The following SLCO1B3 variants were observed in gnomAD, a reference collection of about 807,000 sequenced individuals.
The protein encoded by SLCO1B3 is liver-specific organic anion transporter 2.
SLCO1B3 carries 72 observed loss-of-function variants against 71.8 expected under a neutral mutation model. The observed-to-expected ratio is 1.00, with a 90% CI of 0.83 to 1.22. The LOEUF is 1.22. Ranked by LOEUF, SLCO1B3 falls within the 50% of genes most tolerant of loss-of-function variation. The pLI, the probability that SLCO1B3 is intolerant of heterozygous loss-of-function variation, is 0.00. For synonymous variants in SLCO1B3, 298 were observed against 278.4 expected (o/e 1.07, Z -0.70); for missense variants, 911 against 819.7 (o/e 1.11, Z -1.36).
At chr12:20,847,802 A>G (rs1864947674) in intron 3 of SLCO1B3, among the ~76,000 whole-genome samples, 1 of 151,948 alleles carries the variant, frequency 6.6e-6, no homozygotes, top group Non-Finnish European at 1.5e-5. Flanking sequence ...AGGAGAATAG[A>G]GAGAGAAAAG....
At chr12:20,868,714 C>T (rs1865419782) in intron 8 of SLCO1B3, among the ~76,000 whole-genome samples, 1 of 152,030 alleles carries the variant, frequency 6.6e-6, no homozygotes, top group African/African-American at 2.4e-5. Context: ...CACCAATGCA[C>T]AGAGACTGGT....
chr12:20,886,599 TA>T (rs1775523011), intron 13 of SLCO1B3, among the ~76,000 whole-genome samples: 1 of 152,044 alleles, frequency 6.6e-6, no homozygotes, highest in Non-Finnish European at 1.5e-5. Flanking sequence ...TGAGAGTTCA[TA>T]GGAGTTATGG....
intron 3 of SLCO1B3, among the ~76,000 whole-genome samples, chr12:20,819,334 T>C (rs1864249971): frequency 6.6e-6 from 1 of 152,080 alleles, no homozygotes; most frequent in African/African-American, 2.4e-5. Flanking sequence ...CAGATGAGGA[T>C]GAAATTTGCG....
intron 5 of SLCO1B3, 135 bp downstream of exon 5, chr12:20,858,706 A>G: frequency 1.4e-6 from 1 of 708,590 alleles, no homozygotes; most frequent in Non-Finnish European, 2.3e-6. Context: ...GAAATGGAGT[A>G]TATTTCCTAT....
At chr12:20,833,956 G>A (rs909248118) in intron 3 of SLCO1B3, among the ~76,000 whole-genome samples, 1 of 143,478 alleles carries the variant, frequency 7.0e-6, no homozygotes, top group African/African-American at 2.5e-5. Flanking sequence ...ACATATATAA[G>A]CTGTATATGT....
chr12:20,821,948 G>A (rs1189475423), intron 3 of SLCO1B3, among the ~76,000 whole-genome samples: 1 of 148,766 alleles, frequency 6.7e-6, no homozygotes, highest in African/African-American at 2.5e-5. Context: ...AGAGAAGGGA[G>A]AGATTGAAGT....
At chr12:20,842,045 G>A (rs1403261082) in intron 3 of SLCO1B3, among the ~76,000 whole-genome samples, 1 of 151,976 alleles carries the variant, frequency 6.6e-6, no homozygotes, top group Non-Finnish European at 1.5e-5. Context: ...ACAGGCACAT[G>A]CCACTGTGCC....
intron 15 of SLCO1B3, among the ~76,000 whole-genome samples, chr12:20,902,672 G>C (rs4762803): frequency 0.71 from 108,622 of 152,036 alleles, 43,025 homozygotes; most frequent in South Asian, 0.94. Flanking sequence ...CATTACACAA[G>C]GTATTGTAAG....
At chr12:20,853,994 A>C (rs934245329) in intron 3 of SLCO1B3, among the ~76,000 whole-genome samples, 1 of 151,612 alleles carries the variant, frequency 6.6e-6, no homozygotes, top group Non-Finnish European at 1.5e-5. Context: ...GAATTTTTTA[A>C]TTTCACATAT....
intron 15 of SLCO1B3, among the ~76,000 whole-genome samples, chr12:20,905,512 C>A (rs1219909763): frequency 6.6e-6 from 1 of 152,182 alleles, no homozygotes; most frequent in African/African-American, 2.4e-5. Context: ...TTAGAAACAG[C>A]CAGGTCACAT....
At chr12:20,831,985 A>C (rs1199167559) in intron 3 of SLCO1B3, among the ~76,000 whole-genome samples, 9 of 152,308 alleles carry the variant, frequency 5.9e-5, no homozygotes, top group Non-Finnish European at 8.8e-5. Flanking sequence ...GGTATGGAAA[A>C]GGCAAATGAA....
intron 13 of SLCO1B3, among the ~76,000 whole-genome samples, chr12:20,889,760 T>A (rs1429688076): frequency 6.6e-6 from 1 of 152,154 alleles, no homozygotes; most frequent in Non-Finnish European, 1.5e-5. Flanking sequence ...GTTTTACTAG[T>A]TCTGTGAGAC....
At chr12:20,838,672 A>G (rs886992981) in intron 3 of SLCO1B3, among the ~76,000 whole-genome samples, 1 of 152,056 alleles carries the variant, frequency 6.6e-6, no homozygotes, top group Non-Finnish European at 1.5e-5. Context: ...AGGAATTGTA[A>G]CACAATAAGT....
At chr12:20,847,376 G>T (rs937743095) in intron 3 of SLCO1B3, among the ~76,000 whole-genome samples, 3 of 152,258 alleles carry the variant, frequency 2.0e-5, no homozygotes, top group Middle Eastern at 6.8e-3. Context: ...AACCCTTCAT[G>T]ATGGGATTTG....
chr12:20,824,603 A>G (rs900982838), intron 3 of SLCO1B3, among the ~76,000 whole-genome samples: 1 of 152,198 alleles, frequency 6.6e-6, no homozygotes, highest in African/African-American at 2.4e-5. Context: ...CATAATTACT[A>G]CTGACAACAT....
At chr12:20,875,888 G>A (rs4149129) in intron 9 of SLCO1B3, among the ~76,000 whole-genome samples, 109,833 of 151,604 alleles carry the variant, frequency 0.72, 42,356 homozygotes, top group South Asian at 0.9. Flanking sequence ...TTGAGAACCT[G>A]GTGGATGATA....
chr12:20,826,927 C>T (rs12815346), intron 3 of SLCO1B3, among the ~76,000 whole-genome samples: 1 of 151,848 alleles, frequency 6.6e-6, no homozygotes, highest in South Asian at 2.1e-4. Context: ...AACCCAGATA[C>T]TTAATGTAAC....
At chr12:20,858,311 G>T (rs370762315) in intron 4 of SLCO1B3, 128 bp from the exon 5 acceptor site, 2 of 647,946 alleles carry the variant, frequency 3.1e-6, no homozygotes, top group African/African-American at 1.8e-5. Context: ...TACCTTCACA[G>T]TTAAATTACA....
chr12:20,824,202 T>G (rs1447440442), intron 3 of SLCO1B3, among the ~76,000 whole-genome samples: 1 of 152,210 alleles, frequency 6.6e-6, no homozygotes, highest in Non-Finnish European at 1.5e-5. Flanking sequence ...AAGGAAAGTT[T>G]TCTTGACTCT....
Sources: allele counts gnomAD v4.1 joint callset (sites outside exome capture counted in the v4.1 genomes callset), GRCh38; gene constraint gnomAD v4.1.1; transcripts MANE v1.5; gene names NCBI Gene and HGNC (gene_info 2026-07-23, HGNC 2026-07-21).